Variants in CNTN6 observed in about 807,000 individuals in gnomAD.
The protein encoded by CNTN6 is contactin 6.
In CNTN6, 137 loss-of-function variants were observed where a neutral mutation model predicts 122.8. That is an observed-to-expected ratio of 1.12 (90% CI 0.97 to 1.29). The LOEUF is 1.29. Among genes scored for constraint, CNTN6 ranks in the 50% most tolerant of loss-of-function variants. The pLI is 0.00. For synonymous variants in CNTN6, 570 were observed against 426.0 expected (o/e 1.34, Z -4.16); for missense variants, 1,634 against 1,223.4 (o/e 1.34, Z -5.01).
intron 2 of CNTN6, among the ~76,000 whole-genome samples, chr3:1,187,214 A>C (rs2093640631): frequency 6.6e-6 from 1 of 152,214 alleles, no homozygotes. Context: ...AACTCAAAAA[A>C]AACTGCCTGA....
intron 4 of CNTN6, among the ~76,000 whole-genome samples, chr3:1,276,978 G>A (rs1490333399): frequency 1.3e-5 from 2 of 152,140 alleles, no homozygotes; most frequent in Non-Finnish European, 2.9e-5. Flanking sequence ...GTGGTAGGTG[G>A]ATCAGGAACA....
chr3:1,396,972 T>G (rs1042433769), intron 20 of CNTN6, among the ~76,000 whole-genome samples: 4 of 152,190 alleles, frequency 2.6e-5, no homozygotes, highest in Non-Finnish European at 5.9e-5. Context: ...CATTGGAAAG[T>G]CTGAAAAAGC....
chr3:1,337,162 A>G (rs1393828226), intron 11 of CNTN6, among the ~76,000 whole-genome samples: 3 of 152,132 alleles, frequency 2.0e-5, no homozygotes, highest in African/African-American at 7.2e-5. Context: ...AGTTATGTGG[A>G]CAAAGCAGTT....
chr3:1,243,286 A>T (rs191585181), intron 4 of CNTN6, among the ~76,000 whole-genome samples: 20 of 152,270 alleles, frequency 1.3e-4, no homozygotes, highest in Non-Finnish European at 2.5e-4. Flanking sequence ...CTCCTGGGGA[A>T]GGAGGTTCTG....
chr3:1,386,806 A>C (rs546283113), intron 20 of CNTN6, among the ~76,000 whole-genome samples: 53 of 147,450 alleles, frequency 3.6e-4, no homozygotes, highest in African/African-American at 1.2e-3. Context: ...TAGTTTACCT[A>C]TACATGCCGT....
intron 1 of CNTN6, among the ~76,000 whole-genome samples, chr3:1,098,814 A>ATG (rs1559306106): frequency 3.5e-5 from 5 of 142,872 alleles, no homozygotes; most frequent in African/African-American, 1.3e-4. Context: ...ATATATATAT[A>ATG]TATAGTGGGA....
chr3:1,113,792 A>G (rs2091591969), intron 1 of CNTN6, among the ~76,000 whole-genome samples: 1 of 152,152 alleles, frequency 6.6e-6, no homozygotes, highest in Non-Finnish European at 1.5e-5. Flanking sequence ...ATCAAGTTGC[A>G]GACACAATTC....
intron 4 of CNTN6, among the ~76,000 whole-genome samples, chr3:1,266,195 C>G (rs1490032746): frequency 2.6e-5 from 4 of 152,000 alleles, no homozygotes; most frequent in African/African-American, 7.2e-5. Flanking sequence ...GTCTCTCTTT[C>G]CCTCCCTCCC....
At chr3:1,289,293 G>T (rs1466348288) in intron 5 of CNTN6, among the ~76,000 whole-genome samples, 1 of 152,154 alleles carries the variant, frequency 6.6e-6, no homozygotes, top group Admixed American at 6.5e-5. Flanking sequence ...TGACTGGGAG[G>T]AGCCAGCCCA....
intron 7 of CNTN6, among the ~76,000 whole-genome samples, chr3:1,316,443 A>G (rs1246342992): frequency 2.0e-5 from 3 of 151,814 alleles, no homozygotes; most frequent in South Asian, 4.1e-4. Flanking sequence ...TTAAACAACC[A>G]TATCTCACAA....
intron 5 of CNTN6, among the ~76,000 whole-genome samples, chr3:1,281,728 G>A (rs935515252): frequency 6.6e-6 from 1 of 152,110 alleles, no homozygotes; most frequent in Non-Finnish European, 1.5e-5. Context: ...GTGAGCCATC[G>A]GGCGCAGCAA....
intron 1 of CNTN6, among the ~76,000 whole-genome samples, chr3:1,130,743 A>G (rs1479635628): frequency 6.6e-6 from 1 of 152,172 alleles, no homozygotes; most frequent in African/African-American, 2.4e-5. Flanking sequence ...ATGTTTGATC[A>G]GTACATCAAT....
intron 1 of CNTN6, among the ~76,000 whole-genome samples, chr3:1,101,906 T>C (rs1173548186): frequency 6.6e-6 from 1 of 152,204 alleles, no homozygotes; most frequent in Non-Finnish European, 1.5e-5. Flanking sequence ...TTCAAAAACT[T>C]TGTTAGCACA....
In CNTN6 at chr3:1,247,453, T is replaced by TAAA. The variant is rs3836241; in HGVS notation, c.358+19468_358+19470dup. On this transcript the variant is annotated intron_variant, in intron 4 of 22. Coordinates refer to ENST00000446702, the MANE Select transcript of CNTN6 (RefSeq NM_001289080.2). ...AGCTATTAAAATAGACTATATGGTTTAAAAAAAAAAGAGGCTTGAATTGTA... is the reference window on the plus strand; with the variant it reads ...AGCTATTAAAATAGACTATATGGTTTAAAAAAAAAAAAAGAGGCTTGAATTGTA... Among the ~76,000 whole-genome samples the TAAA allele has an allele frequency of 1.4e-3, 212 of 149,342 alleles. 2 individuals are homozygous for TAAA. The highest frequency in any genetic ancestry group is 4.8e-3 in the African/African-American group (194 of 40,766).
intron 7 of CNTN6, among the ~76,000 whole-genome samples, chr3:1,319,001 A>G (rs1041402615): frequency 6.6e-6 from 1 of 151,554 alleles, no homozygotes; most frequent in Non-Finnish European, 1.5e-5. Flanking sequence ...AGGAGACTCC[A>G]TTTCTTGTAT....
At position 1,159,185 on chromosome 3, in the gene CNTN6, G is replaced by T. The variant is rs898404623; in HGVS notation, c.55+11122G>T. On this transcript the variant is annotated intron_variant, in intron 2 of 22. Coordinates refer to ENST00000446702, the MANE Select transcript of CNTN6 (RefSeq NM_001289080.2). ...TTACCGCCTAATTACCATAGTGGGGGCTTATTCATGGAGGATATGTGCCAA... is the reference window on the plus strand; with the variant it reads ...TTACCGCCTAATTACCATAGTGGGGTCTTATTCATGGAGGATATGTGCCAA... 1.4e-4 allele frequency among the ~76,000 whole-genome samples: 21 copies of T among 151,898 alleles called. 1 individual carries two copies. The East Asian group carries it at 3.7e-3, about 27-fold the overall frequency.
chr3:1,358,487 T>C (rs922326034), intron 12 of CNTN6, among the ~76,000 whole-genome samples: 2 of 151,490 alleles, frequency 1.3e-5, no homozygotes, highest in African/African-American at 4.8e-5. Flanking sequence ...ATAAACTATG[T>C]CATTAAGATG....
At chr3:1,245,602 G>C (rs752684193) in intron 4 of CNTN6, among the ~76,000 whole-genome samples, 10 of 150,738 alleles carry the variant, frequency 6.6e-5, no homozygotes, top group Non-Finnish European at 1.2e-4. Flanking sequence ...CTCAGGTGAC[G>C]GGTACGCCAA....
chr3:1,109,401 C>A (rs1269871393), intron 1 of CNTN6, among the ~76,000 whole-genome samples: 2 of 151,874 alleles, frequency 1.3e-5, no homozygotes, highest in Non-Finnish European at 2.9e-5. Context: ...TTCTTGTTTA[C>A]AATTTACCAA....
Sources: allele counts gnomAD v4.1 joint callset (sites outside exome capture counted in the v4.1 genomes callset), GRCh38; gene constraint gnomAD v4.1.1; transcripts MANE v1.5; gene names NCBI Gene and HGNC (gene_info 2026-07-23, HGNC 2026-07-21).